CACNA1D: variants seen among roughly 807,000 people sequenced by gnomAD.
CACNA1D encodes voltage-dependent L-type calcium channel subunit alpha-1D.
In CACNA1D, 55 loss-of-function variants were observed where a neutral mutation model predicts 257.1. The observed-to-expected ratio is 0.21, with a 90% CI of 0.17 to 0.27. CACNA1D has a LOEUF of 0.27. CACNA1D is among the 10% of genes least tolerant of loss of function. The pLI is 1.00. For synonymous variants in CACNA1D, 980 were observed against 1,014.9 expected, an observed-to-expected ratio of 0.97 and a Z score of 0.65; for missense variants, 1,876 against 2,784.0, an observed-to-expected ratio of 0.67 and a Z score of 7.34.
intron 47 of CACNA1D, among the ~76,000 whole-genome samples, chr3:53,810,841 G>A (rs2095596881): frequency 6.6e-6 from 1 of 150,918 alleles, no homozygotes; most frequent in South Asian, 2.1e-4. Flanking sequence ...GGCATTATGG[G>A]TGCTGTTCCG....
chr3:53,524,990 G>A (rs1157819030), intron 3 of CACNA1D, among the ~76,000 whole-genome samples: 1 of 152,154 alleles, frequency 6.6e-6, no homozygotes, highest in Non-Finnish European at 1.5e-5. Flanking sequence ...GAGTGGAACT[G>A]TGCCCTCCCA....
chr3:53,519,311 A>T (rs2091462671), intron 3 of CACNA1D, among the ~76,000 whole-genome samples: 1 of 152,188 alleles, frequency 6.6e-6, no homozygotes, highest in African/African-American at 2.4e-5. Context: ...AGGATATGTA[A>T]GTTTCTGCTT....
chr3:53,540,924 T>A (rs1332446727), intron 3 of CACNA1D, among the ~76,000 whole-genome samples: 1 of 152,180 alleles, frequency 6.6e-6, no homozygotes, highest in African/African-American at 2.4e-5. Context: ...GTATTTTTAG[T>A]AGAGACAGGG....
chr3:53,647,624 C>A (rs1485070810), intron 3 of CACNA1D, among the ~76,000 whole-genome samples: 1 of 152,218 alleles, frequency 6.6e-6, no homozygotes, highest in Non-Finnish European at 1.5e-5. Flanking sequence ...ATTCAACATT[C>A]TTTTCTCAAA....
At chr3:53,561,541 A>G (rs2092739160) in intron 3 of CACNA1D, among the ~76,000 whole-genome samples, 1 of 152,210 alleles carries the variant, frequency 6.6e-6, no homozygotes, top group Non-Finnish European at 1.5e-5. Flanking sequence ...GGGGAGTTGT[A>G]GAGAACAAGC....
intron 3 of CACNA1D, among the ~76,000 whole-genome samples, chr3:53,546,254 A>G (rs1487889783): frequency 2.0e-5 from 3 of 152,152 alleles, no homozygotes; most frequent in Non-Finnish European, 4.4e-5. Context: ...GCTTTGTCCT[A>G]GTGCTGGGAG....
intron 3 of CACNA1D, among the ~76,000 whole-genome samples, chr3:53,612,847 G>C (rs1241258075): frequency 6.6e-6 from 1 of 152,190 alleles, no homozygotes; most frequent in African/African-American, 2.4e-5. Flanking sequence ...AGTCTTCACT[G>C]TCTGTCGTTG....
chr3:53,499,826 G>C (rs1164010431), intron 2 of CACNA1D, among the ~76,000 whole-genome samples: 1 of 152,030 alleles, frequency 6.6e-6, no homozygotes, highest in Non-Finnish European at 1.5e-5. Flanking sequence ...GAACAACATT[G>C]GGGCCCTTGA....
chr3:53,776,833 G>A, intron 36 of CACNA1D, 27 bp from the exon 37 acceptor site: 4 of 1,613,114 alleles, frequency 2.5e-6, no homozygotes, highest in Non-Finnish European at 3.4e-6. Context: ...TACTGTTCCT[G>A]GACCTTAGAT....
chr3:53,644,194 T>A (rs2093994645), intron 3 of CACNA1D, among the ~76,000 whole-genome samples: 1 of 152,228 alleles, frequency 6.6e-6, no homozygotes, highest in Non-Finnish European at 1.5e-5. Context: ...AGGCAATTTT[T>A]AAAAATTGAC....
In CACNA1D at chr3:53,698,018, G is replaced by C. The variant is rs2094587607; in HGVS notation, c.1221-4623G>C. ...TGCTTGTACCTGCCAGAGCATCTTT[G>C]CTTCTAAGTCCTTTCAACAGGCAGA... On this transcript the variant is annotated intron_variant, in intron 8 of 47. Transcript: ENST00000350061. Among the ~76,000 whole-genome samples, 4 of 152,242 alleles carry C rather than the reference G, an allele frequency of 2.6e-5. No homozygotes were observed. In the East Asian group the frequency reaches 5.8e-4, roughly 22 times the overall value.
chr3:53,603,001 T>C (rs2093464060), intron 3 of CACNA1D, among the ~76,000 whole-genome samples: 1 of 152,246 alleles, frequency 6.6e-6, no homozygotes, highest in South Asian at 2.1e-4. Flanking sequence ...GAGAGTGAGA[T>C]GCAGTTGCGT....
At chr3:53,802,322 G>A in intron 43 of CACNA1D, 149 bp downstream of exon 43, 1 of 784,114 alleles carries the variant, frequency 1.3e-6, no homozygotes, top group South Asian at 1.4e-5. Flanking sequence ...GAGGTCAGAG[G>A]TTGTTGCTTC....
chr3:53,724,133 T>C (rs1469943148), intron 14 of CACNA1D, 134 bp downstream of exon 14: 2 of 757,122 alleles, frequency 2.6e-6, no homozygotes, highest in South Asian at 1.5e-5. Context: ...CATAGCCTGG[T>C]AAATTTTGTG....
chr3:53,592,851 C>T (rs2093323954), intron 3 of CACNA1D, among the ~76,000 whole-genome samples: 1 of 152,114 alleles, frequency 6.6e-6, no homozygotes, highest in Admixed American at 6.6e-5. Context: ...CCACGCCCAG[C>T]TAATTTTTTG....
intron 39 of CACNA1D, chr3:53,786,518 G>A (rs967920084): frequency 8.9e-5 from 31 of 349,418 alleles, no homozygotes; most frequent in Middle Eastern, 8.9e-4. Context: ...AAATAACCAA[G>A]ACAGCATTTC....
chr3:53,497,810 G>C (rs576285914), intron 2 of CACNA1D, among the ~76,000 whole-genome samples: 1 of 152,244 alleles, frequency 6.6e-6, no homozygotes, highest in East Asian at 1.9e-4. Context: ...TTGGGCAATA[G>C]CATGCATTGA....
At chr3:53,687,836 A>C (rs960483345) in intron 8 of CACNA1D, among the ~76,000 whole-genome samples, 15 of 152,364 alleles carry the variant, frequency 9.8e-5, no homozygotes, top group Admixed American at 8.5e-4. Context: ...CAGTAAGTAC[A>C]CATTAAAGAT....
chr3:53,660,083 G>A (rs776389118), intron 4 of CACNA1D, 50 bp from the exon 5 acceptor site: 45 of 1,549,248 alleles, frequency 2.9e-5, no homozygotes, highest in Middle Eastern at 1.7e-4. Context: ...CCTGTTTTGC[G>A]TCCCTGGGGT....
Sources: gnomAD v4.1 joint callset for allele counts (sites outside exome capture counted in the v4.1 genomes callset) on GRCh38, gnomAD v4.1.1 for gene constraint, MANE v1.5 for transcripts, NCBI Gene and HGNC (gene_info 2026-07-23, HGNC 2026-07-21) for gene names.